GTF2E2: variants seen among roughly 807,000 people sequenced by gnomAD.
GTF2E2 encodes general transcription factor IIE subunit 2.
Under a neutral mutation model 40.5 loss-of-function variants are expected in GTF2E2, and 21 were observed. The observed-to-expected ratio is 0.52, with a 90% CI of 0.37 to 0.75. The LOEUF is 0.75. Ranked by LOEUF, GTF2E2 falls within the 30% of genes least tolerant of loss-of-function variation. The probability of loss-of-function intolerance (pLI) is 0.00; values close to 1 mark genes in which losing one functional copy is unlikely to be tolerated. For missense variants in GTF2E2, 298 were observed against 338.4 expected, an observed-to-expected ratio of 0.88 and a Z score of 0.94; for synonymous variants, 117 against 121.6, an observed-to-expected ratio of 0.96 and a Z score of 0.25.
chr8:30,594,946 T>C (rs1828958073), intron 6 of GTF2E2, among the ~76,000 whole-genome samples: 1 of 152,106 alleles, frequency 6.6e-6, no homozygotes. Context: ...TTTAACACAA[T>C]GATTAATGTA....
intron 2 of GTF2E2, among the ~76,000 whole-genome samples, chr8:30,641,824 C>G (rs1801845386): frequency 6.6e-6 from 1 of 151,878 alleles, no homozygotes; most frequent in African/African-American, 2.4e-5. Context: ...TGCAGTGAGT[C>G]AAGATTGTGC....
chr8:30,622,670 G>A (rs755792908), intron 3 of GTF2E2, among the ~76,000 whole-genome samples: 3 of 151,928 alleles, frequency 2.0e-5, no homozygotes, highest in Admixed American at 6.6e-5. Flanking sequence ...CCTACAGCTC[G>A]ACCATAGAAG....
chr8:30,646,558 A>G (rs1225674009), intron 2 of GTF2E2, among the ~76,000 whole-genome samples: 4 of 152,204 alleles, frequency 2.6e-5, no homozygotes, highest in African/African-American at 9.6e-5. Flanking sequence ...AATGTATCCT[A>G]AGCACTTAGT....
Position 30,590,751 on chromosome 8 carries a change from C to T in GTF2E2, c.644-10355G>A, listed in dbSNP as rs571552517. Among the ~76,000 whole-genome samples the T allele has an allele frequency of 1.6e-4, 24 of 151,446 alleles. No individual in the cohort carries two copies. The South Asian group carries it at 2.5e-3, about 16-fold the overall frequency. On this transcript the variant is annotated intron_variant, in intron 6 of 7. Transcript: ENST00000355904. ...TGTCACCCAGGCTGGAGTGCAGTGG[C>T]GCAATCTCAGCTCACTACAACCTCA... is the stretch of plus-strand genomic sequence containing the variant.
intron 3 of GTF2E2, among the ~76,000 whole-genome samples, chr8:30,627,359 C>A (rs975983380): frequency 4.3e-5 from 6 of 140,068 alleles, no homozygotes; most frequent in African/African-American, 1.6e-4. Context: ...TATCTGGAAA[C>A]AAGAAGTCCA....
At chr8:30,582,168 G>A (rs1177384535) in intron 6 of GTF2E2, among the ~76,000 whole-genome samples, 1 of 152,036 alleles carries the variant, frequency 6.6e-6, no homozygotes, top group African/African-American at 2.4e-5. Flanking sequence ...ACACCACCAT[G>A]CCCAGCTAAG....
intron 2 of GTF2E2, among the ~76,000 whole-genome samples, chr8:30,646,651 T>C (rs771162664): frequency 6.6e-6 from 1 of 152,146 alleles, no homozygotes. Context: ...ACTAAGACTT[T>C]AACTAAATGT....
At chr8:30,653,716 T>A in intron 1 of GTF2E2, 114 bp from the exon 2 acceptor site, 1 of 693,864 alleles carries the variant, frequency 1.4e-6, no homozygotes, top group South Asian at 1.8e-5. Context: ...TTATTATTAG[T>A]TCTCTAGCAC....
intron 2 of GTF2E2, among the ~76,000 whole-genome samples, chr8:30,644,740 C>T (rs549869224): frequency 8.4e-4 from 112 of 133,302 alleles, no homozygotes; most frequent in African/African-American, 2.9e-3. Flanking sequence ...CAGTTAATTT[C>T]GGTATATGAA....
At chr8:30,619,531 C>T (rs953396670) in intron 3 of GTF2E2, among the ~76,000 whole-genome samples, 4 of 150,814 alleles carry the variant, frequency 2.7e-5, no homozygotes, top group South Asian at 2.1e-4. Flanking sequence ...TGGGACTATA[C>T]GCGTGCACCA....
chr8:30,610,282 C>T (rs529351420), intron 5 of GTF2E2, among the ~76,000 whole-genome samples: 2 of 151,764 alleles, frequency 1.3e-5, no homozygotes, highest in South Asian at 4.2e-4. Context: ...CACATCTCTA[C>T]CAAAAATAAA....
intron 6 of GTF2E2, among the ~76,000 whole-genome samples, 173 bp downstream of exon 6, chr8:30,606,884 T>C (rs1829330355): frequency 1.3e-5 from 2 of 152,146 alleles, no homozygotes; most frequent in Admixed American, 1.3e-4. Flanking sequence ...TATTTCAAAT[T>C]GCATTCTAAG....
At chr8:30,655,863 T>C (rs953100007) in intron 1 of GTF2E2, among the ~76,000 whole-genome samples, 24 of 151,932 alleles carry the variant, frequency 1.6e-4, no homozygotes, top group African/African-American at 5.8e-4. Flanking sequence ...GCTGGCAGAG[T>C]GCAGTGGTGC....
At chr8:30,612,592 T>G (rs1829510046) in intron 4 of GTF2E2, 111 bp from the exon 5 acceptor site, 1 of 524,190 alleles carries the variant, frequency 1.9e-6, no homozygotes, top group African/African-American at 1.9e-5. Context: ...AGTGGCGTGA[T>G]CTCAGCTCAC....
chr8:30,596,330 C>T (rs1325596107), intron 6 of GTF2E2, among the ~76,000 whole-genome samples: 1 of 152,162 alleles, frequency 6.6e-6, no homozygotes, highest in Non-Finnish European at 1.5e-5. Context: ...ATTTTTTTCA[C>T]ACTTCAGCTG....
chr8:30,645,372 TC>T, intron 2 of GTF2E2: 1 of 1,535,712 alleles, frequency 6.5e-7, no homozygotes, highest in East Asian at 2.4e-5. Context: ...GTTTTCAAGT[TC>T]AAAAAATTTA....
intron 2 of GTF2E2, among the ~76,000 whole-genome samples, chr8:30,649,713 C>T (rs7822800): frequency 1.3e-5 from 2 of 152,058 alleles, no homozygotes; most frequent in African/African-American, 4.8e-5. Context: ...AGCGTGGTGG[C>T]ACACACCTGT....
intron 6 of GTF2E2, among the ~76,000 whole-genome samples, chr8:30,599,703 G>A (rs908783775): frequency 1.3e-5 from 2 of 152,136 alleles, no homozygotes; most frequent in East Asian, 3.9e-4. Flanking sequence ...ATAACGATCA[G>A]GCAGGGCACG....
intron 2 of GTF2E2, among the ~76,000 whole-genome samples, chr8:30,647,294 A>G (rs1424785313): frequency 2.6e-5 from 4 of 152,182 alleles, no homozygotes; most frequent in African/African-American, 9.6e-5. Flanking sequence ...AATTTAAAGA[A>G]TATCGGCTGG....
Sources: allele counts gnomAD v4.1 joint callset (sites outside exome capture counted in the v4.1 genomes callset), GRCh38; gene constraint gnomAD v4.1.1; transcripts MANE v1.5; gene names NCBI Gene and HGNC (gene_info 2026-07-23, HGNC 2026-07-21).